RABGAP1L: variants seen among roughly 807,000 people sequenced by gnomAD.
RABGAP1L encodes RAB GTPase activating protein 1 like, also known as rab GTPase-activating protein 1-like.
Under a neutral mutation model 137.7 loss-of-function variants are expected in RABGAP1L, and 63 were observed. The observed-to-expected ratio is 0.46, with a 90% CI of 0.37 to 0.56. RABGAP1L has a LOEUF of 0.56. Among genes scored for constraint, RABGAP1L ranks in the 20% least tolerant of loss-of-function variants. The pLI is 0.00. For missense variants in RABGAP1L, 1,095 were observed against 1,244.0 expected, an observed-to-expected ratio of 0.88 and a Z score of 1.80; for synonymous variants, 431 against 433.7, an observed-to-expected ratio of 0.99 and a Z score of 0.08.
At chr1:174,720,106 C>T (rs1214677993) in intron 17 of RABGAP1L, among the ~76,000 whole-genome samples, 1 of 152,038 alleles carries the variant, frequency 6.6e-6, no homozygotes, top group Non-Finnish European at 1.5e-5. Flanking sequence ...AGGTGTAAAT[C>T]TATAGATTAA....
intron 19 of RABGAP1L, among the ~76,000 whole-genome samples, chr1:174,834,155 G>A (rs942069838): frequency 5.3e-5 from 8 of 152,116 alleles, no homozygotes; most frequent in African/African-American, 1.7e-4. Context: ...GGCCAGGCAC[G>A]GTGGCTCACA....
chr1:174,954,526 T>TA (rs1019620509), intron 19 of RABGAP1L, among the ~76,000 whole-genome samples: 8 of 151,496 alleles, frequency 5.3e-5, no homozygotes, highest in South Asian at 2.1e-4. Flanking sequence ...CTCTTACATG[T>TA]AAAAAAAAAT....
intron 19 of RABGAP1L, among the ~76,000 whole-genome samples, chr1:174,910,977 G>T (rs1456016530): frequency 6.6e-6 from 1 of 152,070 alleles, no homozygotes; most frequent in East Asian, 1.9e-4. Flanking sequence ...TCCATTTTTT[G>T]ATTCTAGCCA....
intron 18 of RABGAP1L, among the ~76,000 whole-genome samples, chr1:174,781,292 G>A (rs985430092): frequency 4.6e-5 from 7 of 152,120 alleles, no homozygotes; most frequent in African/African-American, 1.7e-4. Context: ...TCTCATTGTG[G>A]TTTTGATTTG....
chr1:174,812,916 AG>A (rs1225811262), intron 19 of RABGAP1L, among the ~76,000 whole-genome samples: 1 of 152,210 alleles, frequency 6.6e-6, no homozygotes, highest in East Asian at 1.9e-4. Context: ...AAAGGTCCAG[AG>A]ACTGCCTCAT....
At chr1:174,599,520 A>G (rs1387382416) in intron 13 of RABGAP1L, among the ~76,000 whole-genome samples, 1 of 152,216 alleles carries the variant, frequency 6.6e-6, no homozygotes, top group African/African-American at 2.4e-5. Flanking sequence ...CTTGTAGGAT[A>G]GGTCAGCAAT....
At chr1:174,543,850 A>T (rs893082520) in intron 13 of RABGAP1L, among the ~76,000 whole-genome samples, 4 of 152,174 alleles carry the variant, frequency 2.6e-5, no homozygotes, top group Non-Finnish European at 5.9e-5. Flanking sequence ...TCCTTCACTT[A>T]TGAAGCTTAG....
chr1:174,338,495 T>C (rs1281430110), intron 11 of RABGAP1L, among the ~76,000 whole-genome samples: 1 of 152,072 alleles, frequency 6.6e-6, no homozygotes, highest in South Asian at 2.1e-4. Flanking sequence ...CACTGGAGAG[T>C]TTATTATCCT....
chr1:174,841,662 G>A (rs1693420515), intron 19 of RABGAP1L, among the ~76,000 whole-genome samples: 2 of 151,794 alleles, frequency 1.3e-5, no homozygotes, highest in Non-Finnish European at 2.9e-5. Flanking sequence ...AAAGTAGACA[G>A]GAAAGGGCAT....
chr1:174,685,287 C>G (rs1678375318), intron 15 of RABGAP1L, among the ~76,000 whole-genome samples: 1 of 152,152 alleles, frequency 6.6e-6, no homozygotes, highest in Non-Finnish European at 1.5e-5. Flanking sequence ...GAGTCTCACT[C>G]TGTCGCCCAG....
chr1:174,770,081 T>C (rs905912718), intron 18 of RABGAP1L, among the ~76,000 whole-genome samples: 1 of 152,252 alleles, frequency 6.6e-6, no homozygotes, highest in African/African-American at 2.4e-5. Flanking sequence ...ATAAACTTTT[T>C]TTTTGGATTT....
chr1:174,736,075 C>A (rs1385354210), intron 17 of RABGAP1L, among the ~76,000 whole-genome samples: 1 of 152,154 alleles, frequency 6.6e-6, no homozygotes, highest in Non-Finnish European at 1.5e-5. Context: ...AAAATCCAAC[C>A]GGCCCTTCTC....
At chr1:174,687,806 G>T (rs1678592118) in intron 15 of RABGAP1L, among the ~76,000 whole-genome samples, 1 of 152,178 alleles carries the variant, frequency 6.6e-6, no homozygotes, top group Non-Finnish European at 1.5e-5. Context: ...CTCACCCATA[G>T]TCATTTATAT....
At chr1:174,201,647 T>C (rs960194664) in intron 1 of RABGAP1L, among the ~76,000 whole-genome samples, 2 of 152,152 alleles carry the variant, frequency 1.3e-5, no homozygotes, top group Non-Finnish European at 2.9e-5. Context: ...GCTTGGCTTT[T>C]TTTTTTCTTT....
Position 174,258,729 on chromosome 1 carries a change from T to A in RABGAP1L, c.986+6139T>A, listed in dbSNP as rs193274252. Among the ~76,000 whole-genome samples the A allele has an allele frequency of 7.0e-4, 106 of 152,276 alleles. 1 individual carries two copies. The highest frequency in any genetic ancestry group is 2.3e-3 in the African/African-American group (95 of 41,558). ...GAAAATAAAATTTATCATTAAAAAA[T>A]TTTTAAAATCATTATTTAAATTATG... On this transcript the variant is annotated intron_variant, in intron 7 of 25. Transcript: ENST00000681986.
At position 174,791,129 on chromosome 1, in the gene RABGAP1L, T is replaced by C. The variant is rs975944302; in HGVS notation, c.2212-20703T>C. On this transcript the variant is annotated intron_variant, in intron 18 of 25. Coordinates refer to ENST00000681986, the MANE Select transcript of RABGAP1L (RefSeq NM_001366446.1). ...TTGCTTGAACCCAGGAGGCAGAGGT[T>C]GCAGTGAGCCAAGATCGTGCCATTG... Among the ~76,000 whole-genome samples the C allele has an allele frequency of 5.3e-5, 8 of 149,818 alleles. No individual in the cohort carries two copies. In the South Asian group the frequency reaches 1.5e-3, roughly 28 times the overall value.
chr1:174,801,506 A>T (rs925015927), intron 18 of RABGAP1L, among the ~76,000 whole-genome samples: 2 of 152,220 alleles, frequency 1.3e-5, no homozygotes, highest in Non-Finnish European at 2.9e-5. Flanking sequence ...GTACAATCAT[A>T]ACAGACATGT....
At chr1:174,824,548 A>G (rs1320261105) in intron 19 of RABGAP1L, among the ~76,000 whole-genome samples, 1 of 152,122 alleles carries the variant, frequency 6.6e-6, no homozygotes, top group Non-Finnish European at 1.5e-5. Flanking sequence ...GATAAGTTAC[A>G]TTAGGAAGGT....
intron 1 of RABGAP1L, among the ~76,000 whole-genome samples, chr1:174,168,569 T>A (rs1463617383): frequency 1.3e-5 from 2 of 152,230 alleles, no homozygotes; most frequent in Admixed American, 6.5e-5. Flanking sequence ...TGCTGTTGTC[T>A]GCGCAAAGAT....
Sources: allele counts gnomAD v4.1 joint callset (sites outside exome capture counted in the v4.1 genomes callset), GRCh38; gene constraint gnomAD v4.1.1; transcripts MANE v1.5; gene names NCBI Gene and HGNC (gene_info 2026-07-23, HGNC 2026-07-21).